FHIP1A: variants seen among roughly 807,000 people sequenced by gnomAD.
FHIP1A encodes the protein FHF complex subunit HOOK-interacting protein 1A.
In FHIP1A, 61 loss-of-function variants were observed where a neutral mutation model predicts 88.6. The observed-to-expected ratio is 0.69, with a 90% CI of 0.56 to 0.85. The LOEUF (loss-of-function observed/expected upper bound fraction) is 0.85, where lower values mean the gene tolerates loss of function less well. FHIP1A is among the 40% of genes least tolerant of loss of function. The pLI is 0.00. For missense variants in FHIP1A, 1,154 were observed against 1,273.5 expected (o/e 0.91, Z 1.43); for synonymous variants, 478 against 496.0 (o/e 0.96, Z 0.48).
chr4:151,567,226 C>T (rs957940493), intron 4 of FHIP1A, among the ~76,000 whole-genome samples: 1 of 152,078 alleles, frequency 6.6e-6, no homozygotes, highest in Non-Finnish European at 1.5e-5. Context: ...CCCAACATTG[C>T]ACTCCCCAGG....
intron 7 of FHIP1A, among the ~76,000 whole-genome samples, chr4:151,594,720 C>A (rs1340533544): frequency 6.6e-6 from 1 of 151,918 alleles, no homozygotes; most frequent in Non-Finnish European, 1.5e-5. Context: ...ACTACAGGCG[C>A]CTGCCACCAC....
chr4:151,532,510 C>T (rs568175558), intron 3 of FHIP1A, among the ~76,000 whole-genome samples: 1 of 152,284 alleles, frequency 6.6e-6, no homozygotes, highest in African/African-American at 2.4e-5. Context: ...AGCGTATGCT[C>T]CTTTAGTACT....
intron 8 of FHIP1A, among the ~76,000 whole-genome samples, chr4:151,630,651 A>G (rs1356611026): frequency 6.6e-6 from 1 of 152,200 alleles, no homozygotes; most frequent in Non-Finnish European, 1.5e-5. Flanking sequence ...AGGAATTAAA[A>G]TGTTATACTA....
At position 151,482,637 on chromosome 4, in the gene FHIP1A, C is replaced by T. The variant is rs1312084109; in HGVS notation, c.-134C>T. On this transcript the variant is annotated 5_prime_UTR_variant, in exon 3 of 14. Transcript: ENST00000435205. ...CAACCCAGCAGTAGGTTATTGAAGA[C>T]AGCAGCCCCAGGTAATGTCTTCTTT... The T allele has an allele frequency of 6.6e-6, 1 of 151,974 alleles. No homozygotes were observed. Among genetic ancestry groups the T allele is most frequent in the Admixed American group, 6.6e-5 (1 of 15,252 alleles). 9.4% of individuals were successfully genotyped at this position (151,974 alleles called of 1,614,324 possible). A position where few individuals can be genotyped will look rare whatever the true frequency, so the allele number is the denominator to read the frequency against.
At position 151,448,976 on chromosome 4, in the gene FHIP1A, G is replaced by A. The variant is rs151328949; in HGVS notation, c.-355-5725G>A. 8.8e-3 allele frequency among the ~76,000 whole-genome samples: 1,347 copies of A among 152,258 alleles called. 23 individuals are homozygous for A. Among genetic ancestry groups the A allele is most frequent in the African/African-American group, 0.03 (1,226 of 41,548 alleles). On this transcript the variant is annotated intron_variant, in intron 1 of 13. Coordinates refer to ENST00000435205, the MANE Select transcript of FHIP1A (RefSeq NM_001109977.3). ...TTTTTTAGTTAGGTCTTTCTGGTTA[G>A]TCTGTCTCATGGTGCCCAATTATAT...
At chr4:151,470,455 T>TG (rs1356488894) in intron 2 of FHIP1A, among the ~76,000 whole-genome samples, 2 of 152,170 alleles carry the variant, frequency 1.3e-5, no homozygotes. Flanking sequence ...GGTCACTGAG[T>TG]AGATGTTGGT....
chr4:151,605,875 T>A (rs79246695), intron 7 of FHIP1A, among the ~76,000 whole-genome samples: 1,722 of 152,300 alleles, frequency 0.011, 31 homozygotes, highest in African/African-American at 0.039. Context: ...TAAGTGTGTA[T>A]GTGGGCGGGC....
At chr4:151,588,004 T>C (rs1734283334) in intron 6 of FHIP1A, among the ~76,000 whole-genome samples, 1 of 152,108 alleles carries the variant, frequency 6.6e-6, no homozygotes, top group East Asian at 1.9e-4. Context: ...TGCTTTTTAC[T>C]TTATTGTTTG....
chr4:151,617,758 T>A (rs1430061731), intron 7 of FHIP1A, among the ~76,000 whole-genome samples: 2 of 152,072 alleles, frequency 1.3e-5, no homozygotes, highest in African/African-American at 4.8e-5. Context: ...TGGTGGCGTG[T>A]GCCTGTAATC....
rs1735622312 is a variant in FHIP1A at position 151,618,410 on chromosome 4, A to AGCTTAATATTTGT, written c.979-11291_979-11290insCTTAATATTTGTG. On this transcript the variant is annotated intron_variant, in intron 7 of 13. Coordinates refer to ENST00000435205, the MANE Select transcript of FHIP1A (RefSeq NM_001109977.3). Reference sequence around the variant, plus strand: ...GCTCATGATTTGGAAAGAAATGTTCAGAGTCTGTGAGCTTAATATTTGTGA... The same window carrying AGCTTAATATTTGT: ...GCTCATGATTTGGAAAGAAATGTTCAGCTTAATATTTGTGAGTCTGTGAGCTTAATATTTGTGA... Among the ~76,000 whole-genome samples the AGCTTAATATTTGT allele has an allele frequency of 3.3e-5, 5 of 152,344 alleles. No individual in the cohort carries two copies. In the South Asian group the frequency reaches 1.0e-3, roughly 32 times the overall value.
At chr4:151,546,355 G>A (rs985377208) in intron 3 of FHIP1A, among the ~76,000 whole-genome samples, 1 of 152,160 alleles carries the variant, frequency 6.6e-6, no homozygotes, top group South Asian at 2.1e-4. Context: ...CTTGGACTGA[G>A]CCACACTACC....
At chr4:151,495,352 A>G (rs1204490077) in intron 3 of FHIP1A, among the ~76,000 whole-genome samples, 2 of 152,008 alleles carry the variant, frequency 1.3e-5, no homozygotes, top group Non-Finnish European at 2.9e-5. Flanking sequence ...AAAATAAAAA[A>G]TTAGCTGGAT....
In FHIP1A at chr4:151,586,644, C is replaced by T. The variant is rs962704777; in HGVS notation, c.736C>T (p.Leu246Phe). The T allele has an allele frequency of 3.9e-6, 6 of 1,539,496 alleles. No homozygotes were observed. The highest frequency in any genetic ancestry group is 4.4e-6 in the Non-Finnish European group (5 of 1,137,770). Residue 246 changes from leucine (L) to phenylalanine (F), a missense_variant, in exon 6 of 14, where the codon CTT becomes TTT. By Grantham distance (22) the Leu-to-Phe change is conservative (BLOSUM62 0). Transcript: ENST00000435205. ...TTGTTTTTATTTCTGAACACAGGTA[C>T]TTGCAACTGGGCTCAGTGGTCTCTA... ...IVENTYFCPV[L>F]ATGLSGLYSS...
At chr4:151,475,452 A>G (rs1729663533) in intron 2 of FHIP1A, among the ~76,000 whole-genome samples, 1 of 152,162 alleles carries the variant, frequency 6.6e-6, no homozygotes. Context: ...GGCTTCTGTA[A>G]ATAGGTCATA....
chr4:151,493,164 A>C (rs1258880511), intron 3 of FHIP1A, among the ~76,000 whole-genome samples: 2 of 152,206 alleles, frequency 1.3e-5, no homozygotes, highest in East Asian at 3.8e-4. Context: ...AATACCACAG[A>C]AATACAAGAG....
Position 151,649,708 on chromosome 4 carries a change from A to G in FHIP1A, c.1667A>G (p.Gln556Arg). The G allele has an allele frequency of 6.4e-7, 1 of 1,551,544 alleles. No homozygotes were observed. The highest frequency in any genetic ancestry group is 8.7e-7 in the Non-Finnish European group (1 of 1,146,942). Reference protein sequence around the residue: ...SSACPVFGLPQQLPRKTGPQL... With the variant: ...SSACPVFGLPRQLPRKTGPQL... ...GCCTGCCCTGTGTTCGGGCTCCCGCAACAACTCCCCAGGAAGACAGGACCT... is the reference window on the plus strand; with the variant it reads ...GCCTGCCCTGTGTTCGGGCTCCCGCGACAACTCCCCAGGAAGACAGGACCT... The change falls in exon 11 of 14, where the codon CAA becomes CGA. Residue 556 changes from glutamine to arginine, a missense_variant. Physicochemically the swap from Gln to Arg is conservative, Grantham distance 43. Coordinates refer to ENST00000435205, the MANE Select transcript of FHIP1A (RefSeq NM_001109977.3).
intron 3 of FHIP1A, among the ~76,000 whole-genome samples, chr4:151,503,366 C>T (rs2126666321): frequency 6.6e-6 from 1 of 152,262 alleles, no homozygotes; most frequent in Middle Eastern, 3.4e-3. Flanking sequence ...GTCTTTGTCT[C>T]AGGATATTCT....
At chr4:151,485,780 C>T (rs951483303) in intron 3 of FHIP1A, among the ~76,000 whole-genome samples, 11 of 151,826 alleles carry the variant, frequency 7.2e-5, no homozygotes, top group African/African-American at 2.2e-4. Flanking sequence ...TTTGTAGAGA[C>T]GGGTTTCACC....
intron 1 of FHIP1A, among the ~76,000 whole-genome samples, chr4:151,432,070 T>A (rs7677528): frequency 0.11 from 17,058 of 152,198 alleles, 999 homozygotes; most frequent in African/African-American, 0.13. Flanking sequence ...CTCCTCTTTA[T>A]TGAAAATATG....
Sources: gnomAD v4.1 joint callset for allele counts (sites outside exome capture counted in the v4.1 genomes callset) on GRCh38, gnomAD v4.1.1 for gene constraint, MANE v1.5 for transcripts, NCBI Gene and HGNC (gene_info 2026-07-23, HGNC 2026-07-21) for gene names.